Variants in STIM1 observed in about 807,000 individuals in gnomAD.
STIM1 encodes stromal interaction molecule 1.
Under a neutral mutation model 74.7 loss-of-function variants are expected in STIM1, and 25 were observed. The observed-to-expected ratio is 0.33, with a 90% CI of 0.24 to 0.47. The LOEUF (loss-of-function observed/expected upper bound fraction) is 0.47. Among genes scored for constraint, STIM1 ranks in the 20% least tolerant of loss-of-function variants. The pLI is 1.00. For synonymous variants in STIM1, 328 were observed against 348.8 expected, an observed-to-expected ratio of 0.94 and a Z score of 0.66; for missense variants, 728 against 920.8, an observed-to-expected ratio of 0.79 and a Z score of 2.71.
intron 3 of STIM1, among the ~76,000 whole-genome samples, chr11:4,038,276 C>T (rs951404785): frequency 6.6e-6 from 1 of 152,122 alleles, no homozygotes; most frequent in Non-Finnish European, 1.5e-5. Flanking sequence ...TTCAGGTGAT[C>T]CGCCTACCTC....
intron 1 of STIM1, among the ~76,000 whole-genome samples, chr11:3,862,281 A>T (rs921746656): frequency 1.3e-5 from 2 of 152,076 alleles, no homozygotes; most frequent in African/African-American, 4.8e-5. Context: ...ACTTGCAGAG[A>T]GTTTATTTCG....
chr11:3,974,684 G>C (rs1590615164), intron 2 of STIM1, among the ~76,000 whole-genome samples: 2 of 152,066 alleles, frequency 1.3e-5, no homozygotes, highest in African/African-American at 4.8e-5. Flanking sequence ...TGTATTGTGG[G>C]CCCTTCAGAT....
At chr11:4,002,225 C>T (rs1461699561) in intron 2 of STIM1, among the ~76,000 whole-genome samples, 2 of 151,102 alleles carry the variant, frequency 1.3e-5, no homozygotes, top group Admixed American at 6.6e-5. Flanking sequence ...CTCAGCTCTG[C>T]ACCAAGCGGA....
intron 1 of STIM1, chr11:3,903,534 A>G (rs2092399931): frequency 6.6e-6 from 1 of 152,238 alleles, no homozygotes; most frequent in Non-Finnish European, 1.5e-5. Context: ...TCATTTTCCA[A>G]AGAATTTTAA....
rs2094530247 is a variant in STIM1 at position 4,092,545 on chromosome 11, C to T, written c.*747C>T. 1 of 152,940 alleles carries T rather than the reference C, an allele frequency of 6.5e-6. No homozygotes were observed. The highest frequency in any genetic ancestry group is 1.5e-5 in the Non-Finnish European group (1 of 68,682). 9.5% of individuals were successfully genotyped at this position (152,940 alleles called of 1,614,324 possible). On this transcript the variant is annotated 3_prime_UTR_variant, in exon 13 of 13. Coordinates refer to ENST00000526596, the MANE Select transcript of STIM1 (RefSeq NM_001382567.1). ...AGTCACTTTTTCTCTCTACTCCCAC[C>T]CACACCTGCCTCCCTCTTACCCCTG... is the stretch of plus-strand genomic sequence containing the variant.
chr11:4,015,134 C>A (rs543189771), intron 2 of STIM1, among the ~76,000 whole-genome samples: 1 of 152,298 alleles, frequency 6.6e-6, no homozygotes, highest in Admixed American at 6.5e-5. Flanking sequence ...GATGCAGTTT[C>A]TTCATAGCAT....
intron 3 of STIM1, among the ~76,000 whole-genome samples, chr11:4,034,313 C>A (rs2094080919): frequency 6.6e-6 from 1 of 151,902 alleles, no homozygotes; most frequent in Non-Finnish European, 1.5e-5. Context: ...CCTCTCTACT[C>A]CTAGTTTGCT....
chr11:3,901,965 G>T (rs1385067887), intron 1 of STIM1, among the ~76,000 whole-genome samples: 3 of 152,128 alleles, frequency 2.0e-5, no homozygotes. Flanking sequence ...ACGGGGTTTT[G>T]CCATATTGCC....
At chr11:3,930,329 G>C (rs1315662271) in intron 1 of STIM1, among the ~76,000 whole-genome samples, 2 of 152,190 alleles carry the variant, frequency 1.3e-5, no homozygotes, top group Admixed American at 1.3e-4. Context: ...TTACACAGCT[G>C]GCAAGACTAA....
At chr11:3,978,974 T>C (rs568506368) in intron 2 of STIM1, among the ~76,000 whole-genome samples, 1 of 152,204 alleles carries the variant, frequency 6.6e-6, no homozygotes, top group South Asian at 2.1e-4. Flanking sequence ...TAATCTATGC[T>C]ATAGCCACCC....
intron 2 of STIM1, among the ~76,000 whole-genome samples, chr11:3,984,587 G>A (rs2093539836): frequency 6.6e-6 from 1 of 152,198 alleles, no homozygotes; most frequent in Non-Finnish European, 1.5e-5. Flanking sequence ...CTTCCATTGA[G>A]TTCAAGTTAT....
At chr11:3,875,770 A>G (rs2091289575) in intron 1 of STIM1, among the ~76,000 whole-genome samples, 1 of 151,974 alleles carries the variant, frequency 6.6e-6, no homozygotes. Context: ...AAATCAAACC[A>G]ACAACAAAAT....
intron 1 of STIM1, among the ~76,000 whole-genome samples, chr11:3,946,826 A>G (rs1259730729): frequency 6.6e-6 from 1 of 152,196 alleles, no homozygotes; most frequent in Non-Finnish European, 1.5e-5. Flanking sequence ...TGAGGTTAGA[A>G]GCCTTGAGTT....
At position 3,856,362 on chromosome 11, in the gene STIM1, C is replaced by A. The variant is rs778297119; in HGVS notation, c.92C>A (p.Ala31Glu). The A allele has an allele frequency of 6.2e-7, 1 of 1,614,156 alleles. No individual in the cohort carries two copies. The highest frequency in any genetic ancestry group is 2.2e-5 in the East Asian group (1 of 44,888). The change falls in exon 1 of 13, where the codon GCG becomes GAG. Residue 31 changes from alanine to glutamate, a missense_variant. Ala to Glu is a moderately radical substitution (Grantham distance 107, BLOSUM62 -1). This residue lies in a region of STIM1 where 62 missense variants were observed against 55.5 expected (regional missense o/e 1.12). Transcript: ENST00000526596. ...CTCAGCCATAGTCACAGTGAGAAGG[C>A]GACAGGAACCAGCTCGGGGGCCAAC... Reference protein sequence around the residue: ...QSLSHSHSEKATGTSSGANSE... With the variant: ...QSLSHSHSEKETGTSSGANSE...
At chr11:4,068,694 A>C (rs115397823) in intron 5 of STIM1, among the ~76,000 whole-genome samples, 1 of 152,078 alleles carries the variant, frequency 6.6e-6, no homozygotes, top group African/African-American at 2.4e-5. Flanking sequence ...CACCACCCTG[A>C]CCTAGTGACC....
chr11:4,036,397 G>GT (rs1201830305), intron 3 of STIM1, among the ~76,000 whole-genome samples: 1 of 152,154 alleles, frequency 6.6e-6, no homozygotes, highest in African/African-American at 2.4e-5. Context: ...GGGTCAAATG[G>GT]TATTTCTGCT....
intron 1 of STIM1, among the ~76,000 whole-genome samples, chr11:3,932,634 C>G (rs1161482333): frequency 1.4e-5 from 2 of 146,932 alleles, no homozygotes; most frequent in African/African-American, 5.0e-5. Flanking sequence ...TGCACTCCAG[C>G]CTGGGCAAGA....
chr11:4,076,194 T>C (rs116226040), intron 7 of STIM1, among the ~76,000 whole-genome samples: 6,998 of 152,144 alleles, frequency 0.046, 503 homozygotes, highest in African/African-American at 0.15. Context: ...TTTTTTAAAA[T>C]GATTGATGCA....
rs199662597 is a variant in STIM1 at position 4,091,983 on chromosome 11, C to T, written c.*185C>T. On this transcript the variant is annotated 3_prime_UTR_variant, in exon 13 of 13. Transcript: ENST00000526596. ...TCCTTCATTATTATTTATTAACTGA[C>T]CACCATGGCCTGCCTGCCCTGCCTC... 65 of 803,082 alleles carry T rather than the reference C, an allele frequency of 8.1e-5. No homozygotes were observed. The highest frequency in any genetic ancestry group is 2.1e-4 in the African/African-American group (12 of 58,490). 49.7% of individuals were successfully genotyped at this position (803,082 alleles called of 1,614,324 possible).
Sources: allele counts gnomAD v4.1 joint callset (sites outside exome capture counted in the v4.1 genomes callset), GRCh38; gene constraint gnomAD v4.1.1; regional missense constraint gnomAD v4.1.1; transcripts MANE v1.5; gene names NCBI Gene and HGNC (gene_info 2026-07-23, HGNC 2026-07-21).